The following CPQ variants were observed in gnomAD, a reference collection of about 807,000 sequenced individuals.
CPQ encodes the protein carboxypeptidase Q.
CPQ carries 37 observed loss-of-function variants against 45.7 expected under a neutral mutation model. The ratio of observed to expected loss-of-function variants is 0.81; its 90% CI spans 0.62 to 1.07. The LOEUF (loss-of-function observed/expected upper bound fraction) is 1.07. Among genes scored for constraint, CPQ ranks in the 50% least tolerant of loss-of-function variants. The probability of loss-of-function intolerance (pLI) is 0.00; values close to 1 mark genes in which losing one functional copy is unlikely to be tolerated. For synonymous variants in CPQ, 186 were observed against 205.8 expected (o/e 0.90, Z 0.82); for missense variants, 537 against 572.9 (o/e 0.94, Z 0.64).
chr8:96,960,018 A>G (rs1277091636), intron 4 of CPQ, among the ~76,000 whole-genome samples: 1 of 152,150 alleles, frequency 6.6e-6, no homozygotes, highest in African/African-American at 2.4e-5. Context: ...ACAATTGACC[A>G]ACATGAATGT....
chr8:97,039,482 TTTATTA>T (rs1020790046), intron 6 of CPQ, among the ~76,000 whole-genome samples: 3 of 151,470 alleles, frequency 2.0e-5, no homozygotes, highest in Non-Finnish European at 4.4e-5. Context: ...AGTGACTTCT[TTTATTA>T]TTATTATTAT....
At chr8:96,965,849 T>G (rs1015327911) in intron 4 of CPQ, 86 bp from the exon 5 acceptor site, 13 of 785,174 alleles carry the variant, frequency 1.7e-5, no homozygotes, top group Middle Eastern at 3.2e-4. Flanking sequence ...AAGTTTCATT[T>G]TTATATTTTG....
At chr8:96,711,269 T>A (rs965035287) in intron 1 of CPQ, among the ~76,000 whole-genome samples, 2 of 152,180 alleles carry the variant, frequency 1.3e-5, no homozygotes, top group African/African-American at 2.4e-5. Context: ...GTGATTTTTT[T>A]AAAATCCATT....
At chr8:96,929,662 CT>C (rs2130917486) in intron 4 of CPQ, among the ~76,000 whole-genome samples, 1 of 152,302 alleles carries the variant, frequency 6.6e-6, no homozygotes, top group East Asian at 1.9e-4. Context: ...CTATGTCTAT[CT>C]TTACACTGTA....
At chr8:97,132,134 ACT>A in intron 7 of CPQ, among the ~76,000 whole-genome samples, 1 of 152,082 alleles carries the variant, frequency 6.6e-6, no homozygotes. Flanking sequence ...TTTTTCCTAG[ACT>A]CTATGTGCTT....
chr8:96,803,869 A>G lies in CPQ; in HGVS notation c.433+18539A>G, dbSNP rs922896002. On this transcript the variant is annotated intron_variant, in intron 2 of 7. Coordinates refer to ENST00000220763, the MANE Select transcript of CPQ (RefSeq NM_016134.4). The stretch of plus-strand genomic sequence containing the variant: ...CTGTAATCTGTCTCCCAAGTCCTGA[A>G]GATAGCACCTGCCACTTGGTAGGTG... 2.0e-5 allele frequency among the ~76,000 whole-genome samples: 3 copies of G among 152,216 alleles called. No individual in the cohort carries two copies. The South Asian group carries it at 6.2e-4, about 32-fold the overall frequency.
chr8:96,750,195 A>AT (rs889897092), intron 1 of CPQ, among the ~76,000 whole-genome samples: 3 of 151,658 alleles, frequency 2.0e-5, no homozygotes, highest in Non-Finnish European at 2.9e-5. Context: ...TCAATGAGAG[A>AT]TTTTTTTTAG....
At chr8:96,788,320 A>C (rs1810801732) in intron 2 of CPQ, among the ~76,000 whole-genome samples, 2 of 151,688 alleles carry the variant, frequency 1.3e-5, no homozygotes, top group South Asian at 4.2e-4. Context: ...CACCATGCCC[A>C]GCTAATTTTT....
chr8:96,973,771 A>C (rs1011910586), intron 5 of CPQ, among the ~76,000 whole-genome samples: 5 of 152,236 alleles, frequency 3.3e-5, no homozygotes, highest in African/African-American at 1.2e-4. Context: ...CAGCAAAACT[A>C]AGCTTCATAA....
chr8:96,778,658 T>C (rs1385473012), intron 1 of CPQ, among the ~76,000 whole-genome samples: 1 of 152,112 alleles, frequency 6.6e-6, no homozygotes, highest in Admixed American at 6.5e-5. Flanking sequence ...GAAAATACAG[T>C]CTAGTTAAGG....
At chr8:96,947,414 G>A (rs964622689) in intron 4 of CPQ, among the ~76,000 whole-genome samples, 1 of 151,940 alleles carries the variant, frequency 6.6e-6, no homozygotes, top group Non-Finnish European at 1.5e-5. Flanking sequence ...TCCTACTATT[G>A]GTCTGTATGA....
intron 5 of CPQ, among the ~76,000 whole-genome samples, chr8:96,992,473 T>G (rs1809109979): frequency 6.6e-6 from 1 of 152,110 alleles, no homozygotes; most frequent in Admixed American, 6.6e-5. Context: ...TACCTAGATG[T>G]AGGGCAGATA....
chr8:96,765,768 G>A (rs1810460406), intron 1 of CPQ, among the ~76,000 whole-genome samples: 1 of 152,168 alleles, frequency 6.6e-6, no homozygotes, highest in Admixed American at 6.5e-5. Context: ...GAGACAGCAT[G>A]GAACAGCGGA....
rs546689259 is a variant in CPQ at position 96,993,102 on chromosome 8, C to A, written c.961+27056C>A. On this transcript the variant is annotated intron_variant, in intron 5 of 7. Transcript: ENST00000220763. Reference sequence around the variant, plus strand: ...AAGAAGTGCTTGTTCATTAAAAACACCTTCAAATGGAAAGGATGAAGGTCT... The same window carrying A: ...AAGAAGTGCTTGTTCATTAAAAACAACTTCAAATGGAAAGGATGAAGGTCT... Among the ~76,000 whole-genome samples, 9 of 152,288 alleles carry A rather than the reference C, an allele frequency of 5.9e-5. No homozygotes were observed. In the South Asian group the frequency reaches 1.7e-3, roughly 28 times the overall value.
chr8:96,740,100 A>G (rs1196924334), intron 1 of CPQ, among the ~76,000 whole-genome samples: 1 of 151,820 alleles, frequency 6.6e-6, no homozygotes, highest in East Asian at 1.9e-4. Flanking sequence ...ATGAGCATGG[A>G]ATGTTCTTCC....
chr8:96,924,530 A>ATT (rs143774648), intron 4 of CPQ, among the ~76,000 whole-genome samples: 6 of 151,748 alleles, frequency 4.0e-5, no homozygotes, highest in African/African-American at 1.5e-4. Flanking sequence ...TTGTGCATTG[A>ATT]TTTTTTTTTA....
intron 1 of CPQ, among the ~76,000 whole-genome samples, chr8:96,753,335 G>A (rs764599595): frequency 1.1e-4 from 17 of 151,984 alleles, no homozygotes; most frequent in Non-Finnish European, 2.2e-4. Context: ...TTGAGTTTGG[G>A]TACATTTCCA....
chr8:96,905,450 A>G (rs143624397), intron 4 of CPQ, among the ~76,000 whole-genome samples: 119 of 152,272 alleles, frequency 7.8e-4, no homozygotes, highest in African/African-American at 2.8e-3. Context: ...CAGCTGATGA[A>G]CACTGCCCCA....
intron 4 of CPQ, among the ~76,000 whole-genome samples, chr8:96,945,352 A>T (rs1291347773): frequency 3.9e-5 from 6 of 152,174 alleles, no homozygotes; most frequent in Admixed American, 3.9e-4. Context: ...TAATGCAGAT[A>T]GTATATTGGT....
Sources: allele counts gnomAD v4.1 joint callset (sites outside exome capture counted in the v4.1 genomes callset), GRCh38; gene constraint gnomAD v4.1.1; transcripts MANE v1.5; gene names NCBI Gene and HGNC (gene_info 2026-07-23, HGNC 2026-07-21).